The following MICAL1 variants were observed in gnomAD, a reference collection of about 807,000 sequenced individuals.
The protein encoded by MICAL1 is [F-actin]-monooxygenase MICAL1.
MICAL1 carries 95 observed loss-of-function variants against 131.8 expected under a neutral mutation model. The ratio of observed to expected loss-of-function variants is 0.72; its 90% CI spans 0.61 to 0.86. The LOEUF is 0.86. Ranked by LOEUF, MICAL1 falls within the 40% of genes least tolerant of loss-of-function variation. The pLI, the probability that MICAL1 is intolerant of heterozygous loss-of-function variation, is 0.00. For synonymous variants in MICAL1, 546 were observed against 554.2 expected, an observed-to-expected ratio of 0.99 and a Z score of 0.21; for missense variants, 1,292 against 1,380.6, an observed-to-expected ratio of 0.94 and a Z score of 1.02.
At chr6:109,452,954 C>T (rs565000821) in intron 4 of MICAL1, among the ~76,000 whole-genome samples, 17 of 151,972 alleles carry the variant, frequency 1.1e-4, no homozygotes, top group Non-Finnish European at 1.9e-4. Flanking sequence ...GTCAGTAGTT[C>T]GAGACCAGCC....
At chr6:109,447,510 G>A (rs41288560) in intron 15 of MICAL1, 70 bp from the exon 16 acceptor site, 121,136 of 1,541,682 alleles carry the variant, frequency 0.079, 5,595 homozygotes, top group South Asian at 0.17. Context: ...GCGTACAGAT[G>A]AACACAAGGG....
chr6:109,453,178 G>A, intron 4 of MICAL1, 85 bp downstream of exon 4: 1 of 1,080,666 alleles, frequency 9.3e-7, no homozygotes. Flanking sequence ...AACAGAAAAG[G>A]ACACTCCTGG....
chr6:109,450,132 G>A, intron 8 of MICAL1, 47 bp from the exon 9 acceptor site: 1 of 1,592,104 alleles, frequency 6.3e-7, no homozygotes, highest in Non-Finnish European at 8.6e-7. Flanking sequence ...AATCCAACAG[G>A]TGCATCCCAA....
Position 109,451,731 on chromosome 6 carries a change from T to C in MICAL1, c.833-31A>G. The C allele has an allele frequency of 1.9e-6, 3 of 1,611,898 alleles. No individual in the cohort carries two copies. The South Asian group carries it at 3.3e-5, about 18-fold the overall frequency. On this transcript the variant is annotated intron_variant, in intron 6 of 24. Transcript: ENST00000358807. ...GGTACAGGGCAGGGGACAGTAGATA[T>C]GTCTCCTGATAATGCATCACCTTCC...
rs528132403 is a variant in MICAL1, at chr6:109,449,917, G to C, written c.1307+53C>G. The C allele has an allele frequency of 1.1e-4, 178 of 1,602,686 alleles. No homozygotes were observed. The East Asian group carries it at 3.2e-3, about 29-fold the overall frequency. On this transcript the variant is annotated intron_variant, in intron 9 of 24. Coordinates refer to ENST00000358807, the MANE Select transcript of MICAL1 (RefSeq NM_022765.4). ...ACTCAGCACCCCTGCCCCTCTTCCT[G>C]AACCTTGTCACATGTCCTGCCCTGC... is the stretch of plus-strand genomic sequence containing the variant.
rs1258950598 is a variant in MICAL1 at position 109,452,324 on chromosome 6, C to T, written c.754G>A (p.Glu252Lys). 1 of 1,614,184 alleles carries T rather than the reference C, an allele frequency of 6.2e-7. No individual in the cohort carries two copies. The highest frequency in any genetic ancestry group is 2.2e-5 in the East Asian group (1 of 44,876). Reference protein sequence around the residue: ...ANFVNGRTVEETQVPEISGVA... With the variant: ...ANFVNGRTVEKTQVPEISGVA... ...CCACTGATCTCCGGCACCTGTGTCT[C>T]CTCCACGGTGCGTCCATTCACAAAG... The change falls in exon 6 of 25, where the codon GAG becomes AAG. Residue 252 changes from glutamate to lysine, a missense_variant. By Grantham distance (56) the Glu-to-Lys change is moderately conservative (BLOSUM62 1). Coordinates refer to ENST00000358807, the MANE Select transcript of MICAL1 (RefSeq NM_022765.4).
At chr6:109,452,031 C>T in intron 6 of MICAL1, 2 of 1,409,466 alleles carry the variant, frequency 1.4e-6, no homozygotes, top group Non-Finnish European at 1.8e-6. Flanking sequence ...ACAGGTTCAT[C>T]TCTGAGAGAT....
chr6:109,450,221 A>T, intron 8 of MICAL1, 79 bp downstream of exon 8: 1 of 1,567,078 alleles, frequency 6.4e-7, no homozygotes, highest in Non-Finnish European at 8.7e-7. Flanking sequence ...CTCTGCAGGC[A>T]GACCTTTTTA....
In MICAL1 at chr6:109,453,267, C is replaced by T; in HGVS notation, c.567G>A (p.Arg189=). The change falls in exon 4 of 25, where the codon AGG becomes AGA. Residue 189 remains arginine, a synonymous_variant. Coordinates refer to ENST00000358807, the MANE Select transcript of MICAL1 (RefSeq NM_022765.4). ...VTFTGLQPPP[R]KGSGWRAQLQ... is the part of the protein sequence containing the mutation. ...AGGGAGCATAGAAATACTTACCCTT[C>T]CTAGGAGGGGGCTGGAGGCCAGTGA... 6.2e-7 allele frequency: 1 copy of T among 1,613,430 alleles called. No individual in the cohort carries two copies. Among genetic ancestry groups the T allele is most frequent in the Non-Finnish European group, 8.5e-7 (1 of 1,179,504 alleles).
At chr6:109,448,534 C>T in intron 12 of MICAL1, 141 bp from the exon 13 acceptor site, 1 of 1,252,208 alleles carries the variant, frequency 8.0e-7, no homozygotes, top group Non-Finnish European at 1.1e-6. Context: ...GTCTCTGCTA[C>T]CCAGTGCCCA....
rs1289313634 is a variant in MICAL1, at chr6:109,449,731, T to C, written c.1360A>G (p.Asn454Asp). 6.2e-7 allele frequency: 1 copy of C among 1,604,456 alleles called. No homozygotes were observed. Among genetic ancestry groups the C allele is most frequent in the South Asian group, 1.1e-5 (1 of 89,278 alleles). ...SQTSPENMHRNVAQYGLDPAT... is the reference protein window; with the variant it reads ...SQTSPENMHRDVAQYGLDPAT... ...GGGTCCAGCCCATACTGGGCCACAT[T>C]GCGATGCATGTTTTCTGGGGATGTC... Residue 454 changes from asparagine (N) to aspartate (D), a missense_variant, in exon 10 of 25, where the codon AAT becomes GAT. Transcript: ENST00000358807.
At chr6:109,460,642 G>A (rs1775863638), upstream of MICAL1, among the ~76,000 whole-genome samples, 1 of 151,914 alleles carries the variant, frequency 6.6e-6, no homozygotes, top group Non-Finnish European at 1.5e-5. Flanking sequence ...TCTTTTAGAG[G>A]TCACTCCTTG....
Position 109,446,296 on chromosome 6 carries a change from G to A in MICAL1, c.2421C>T (p.Arg807=), listed in dbSNP as rs757120321. Residue 807 remains arginine (R), a synonymous_variant, in exon 19 of 25, where the codon CGC becomes CGT. Transcript: ENST00000358807. ...DPSQPTRRQI[R]LSSPERQRLS... ...ACCGCTGGCGCTCCGGGCTGGAGAGGCGGATCTGCCGACGGGTGGGCTGGC... is the reference window on the plus strand; with the variant it reads ...ACCGCTGGCGCTCCGGGCTGGAGAGACGGATCTGCCGACGGGTGGGCTGGC... The A allele has an allele frequency of 1.2e-6, 2 of 1,614,190 alleles. No homozygotes were observed. The highest frequency in any genetic ancestry group is 1.1e-5 in the South Asian group (1 of 91,088).
chr6:109,444,352 G>T lies in MICAL1; in HGVS notation c.3056-13C>A. The T allele has an allele frequency of 6.2e-7, 1 of 1,613,272 alleles. No individual in the cohort carries two copies. The highest frequency in any genetic ancestry group is 1.7e-5 in the Admixed American group (1 of 60,020). On this transcript the variant is annotated splice_polypyrimidine_tract_variant and intron_variant, in intron 24 of 24. Coordinates refer to ENST00000358807, the MANE Select transcript of MICAL1 (RefSeq NM_022765.4). ...GTCTTTAGGTTTTCTAAAAGGAGGA[G>T]ACAAAGCTTAGAGAACAGGGAACTG...
In MICAL1 at chr6:109,446,273, C is replaced by T. The variant is rs567174912; in HGVS notation, c.2444G>A (p.Arg815Gln). ...QIRLSSPERQ[R>Q]LSSLNLTPDP... ...AGGGGTAAGGTTAAGGGAGGACAAC[C>T]GCTGGCGCTCCGGGCTGGAGAGGCG... Residue 815 changes from arginine (R) to glutamine (Q), a missense_variant, in exon 19 of 25, where the codon CGG becomes CAG. Arg to Gln is a conservative substitution (Grantham distance 43). Transcript: ENST00000358807. 78 of 1,613,646 alleles carry T rather than the reference C, an allele frequency of 4.8e-5. No individual in the cohort carries two copies. The highest frequency in any genetic ancestry group is 8.9e-5 in the East Asian group (4 of 44,806).
rs1582635224 is a variant in MICAL1, at chr6:109,445,142, C to T, written c.2881+55G>A. 1.6e-5 allele frequency: 26 copies of T among 1,600,886 alleles called. No individual in the cohort carries two copies. The South Asian group carries it at 2.2e-4, about 14-fold the overall frequency. The stretch of plus-strand genomic sequence containing the variant: ...CCACTGGGACTCCTACGGGCTGGAG[C>T]GTGGAGCTGAACACAGTGCTAGAAG... On this transcript the variant is annotated intron_variant, in intron 22 of 24. Transcript: ENST00000358807.
upstream of MICAL1, among the ~76,000 whole-genome samples, chr6:109,458,187 A>T (rs898454307): frequency 2.0e-5 from 3 of 152,250 alleles, no homozygotes; most frequent in African/African-American, 7.2e-5. Context: ...CTTAATTAGA[A>T]TCTTGAGTCA....
At position 109,454,062 on chromosome 6, in the gene MICAL1, C is replaced by T. The variant is rs750959032; in HGVS notation, c.135G>A (p.Leu45=). Residue 45 remains leucine (L), a synonymous_variant, in exon 2 of 25, where the codon CTG becomes CTA. Transcript: ENST00000358807. ...GALGLEPGGG[L]PQYHKIKDQL... ...GGTCCTTGATCTTGTGGTACTGGGGCAGCCCCCCACCGGGTTCCAGCCCCA... is the reference window on the plus strand; with the variant it reads ...GGTCCTTGATCTTGTGGTACTGGGGTAGCCCCCCACCGGGTTCCAGCCCCA... 2 of 1,613,960 alleles carry T rather than the reference C, an allele frequency of 1.2e-6. No homozygotes were observed. The highest frequency in any genetic ancestry group is 1.7e-5 in the Admixed American group (1 of 60,016).
chr6:109,450,857 C>G (rs530471042), intron 7 of MICAL1, among the ~76,000 whole-genome samples: 2 of 152,294 alleles, frequency 1.3e-5, no homozygotes, highest in South Asian at 4.1e-4. Flanking sequence ...CACTTAGAGA[C>G]AACATGCCTA....
Sources: allele counts gnomAD v4.1 joint callset (sites outside exome capture counted in the v4.1 genomes callset), GRCh38; gene constraint gnomAD v4.1.1; transcripts MANE v1.5; gene names NCBI Gene and HGNC (gene_info 2026-07-23, HGNC 2026-07-21).